MID1: variants seen among roughly 807,000 people sequenced by gnomAD.
The protein encoded by MID1 is E3 ubiquitin-protein ligase Midline-1.
Under a neutral mutation model 40.4 loss-of-function variants are expected in MID1, and 7 were observed. The ratio of observed to expected loss-of-function variants is 0.17; its 90% CI spans 0.10 to 0.33. MID1 has a LOEUF of 0.33. Ranked by LOEUF, MID1 falls within the 10% of genes least tolerant of loss-of-function variation. The pLI, the probability that MID1 is intolerant of heterozygous loss-of-function variation, is 1.00. For synonymous variants in MID1, 229 were observed against 221.2 expected, an observed-to-expected ratio of 1.04 and a Z score of -0.31; for missense variants, 367 against 558.5, an observed-to-expected ratio of 0.66 and a Z score of 3.46.
chrX:10,654,148 G>T (rs1301782361), intron 1 of MID1, among the ~76,000 whole-genome samples: 1 of 111,621 alleles, frequency 9.0e-6, no homozygotes, highest in African/African-American at 3.3e-5. Flanking sequence ...TAGATATAGA[G>T]ATACTAATAT....
intron 1 of MID1, among the ~76,000 whole-genome samples, chrX:10,574,231 A>G (rs1934814135): frequency 9.0e-6 from 1 of 111,660 alleles, no homozygotes; most frequent in Non-Finnish European, 1.9e-5. Flanking sequence ...CAGGAAGAAG[A>G]GTCAGAGTCA....
intron 3 of MID1, among the ~76,000 whole-genome samples, chrX:10,496,007 C>T (rs1304536843): frequency 3.6e-5 from 4 of 111,840 alleles, no homozygotes; most frequent in Non-Finnish European, 7.5e-5. Context: ...AATATATTTG[C>T]AATTCCTACT....
chrX:10,717,531 C>A (rs2043314434), intron 1 of MID1, among the ~76,000 whole-genome samples: 1 of 110,466 alleles, frequency 9.1e-6, no homozygotes, highest in African/African-American at 3.3e-5. Flanking sequence ...TACAGGAGCA[C>A]CCAGATTCAT....
chrX:10,502,526 T>A (rs1277640956), intron 3 of MID1, among the ~76,000 whole-genome samples: 1 of 111,725 alleles, frequency 9.0e-6, no homozygotes, highest in African/African-American at 3.3e-5. Flanking sequence ...TCCGCAAGAA[T>A]GGTAGACCCC....
intron 1 of MID1, among the ~76,000 whole-genome samples, chrX:10,652,274 G>A (rs1477806458): frequency 9.0e-6 from 1 of 111,502 alleles, no homozygotes; most frequent in Non-Finnish European, 1.9e-5. Flanking sequence ...CTAAAAGAGA[G>A]GGCATTTAAG....
At chrX:10,473,583 C>T (rs1355400905) in intron 6 of MID1, among the ~76,000 whole-genome samples, 2 of 112,194 alleles carry the variant, frequency 1.8e-5, no homozygotes, top group Non-Finnish European at 3.8e-5. Flanking sequence ...TGTTCCCTTT[C>T]TCCTGCTCCA....
chrX:10,694,651 C>T (rs1375275753), intron 1 of MID1, among the ~76,000 whole-genome samples: 1 of 111,731 alleles, frequency 9.0e-6, no homozygotes, highest in Non-Finnish European at 1.9e-5. Context: ...GTACAAAGAC[C>T]AAGAAATAAG....
At chrX:10,601,831 G>A (rs1290920648) in intron 1 of MID1, among the ~76,000 whole-genome samples, 1 of 111,043 alleles carries the variant, frequency 9.0e-6, no homozygotes, top group East Asian at 2.8e-4. Context: ...GTTCCCTAGG[G>A]TTGTGGGAAT....
In MID1 at chrX:10,763,214, G is replaced by T. The variant is rs2043693988; in HGVS notation, c.-187+70340C>A. ...GTTCTAGGGTACATGTGCACAACGTGCAGGTTTGTTACATATGTATACATG... is the reference window on the plus strand; with the variant it reads ...GTTCTAGGGTACATGTGCACAACGTTCAGGTTTGTTACATATGTATACATG... On this transcript the variant is annotated intron_variant, in intron 1 of 10. Transcript: ENST00000380785. Among the ~76,000 whole-genome samples the T allele has an allele frequency of 3.7e-5, 4 of 107,234 alleles. No individual in the cohort carries two copies. In the Admixed American group the frequency reaches 4.0e-4, roughly 11 times the overall value. The allele number at this position is 107,234 out of a possible 115,157, so 93.1% of individuals were successfully genotyped here. A position where few individuals can be genotyped will look rare whatever the true frequency, so the allele number is the denominator to read the frequency against.
At chrX:10,670,493 C>T (rs945581659) in intron 1 of MID1, among the ~76,000 whole-genome samples, 1 of 111,784 alleles carries the variant, frequency 8.9e-6, no homozygotes, top group East Asian at 2.8e-4. Flanking sequence ...TAAAGACCCA[C>T]CTATATTGAG....
At chrX:10,785,736 A>C (rs1488688316) in intron 1 of MID1, among the ~76,000 whole-genome samples, 3 of 111,914 alleles carry the variant, frequency 2.7e-5, no homozygotes, top group African/African-American at 9.8e-5. Context: ...CTATTTAATA[A>C]ATGGTGCTGG....
At position 10,449,158 on chromosome X, in the gene MID1, C is replaced by A. The variant is rs1460765688; in HGVS notation, c.*210G>T. The A allele has an allele frequency of 2.8e-6, 1 of 362,123 alleles. No homozygotes were observed. The highest frequency in any genetic ancestry group is 4.8e-6 in the Non-Finnish European group (1 of 209,722). The allele number at this position is 362,123 out of a possible 1,213,427, so 29.8% of individuals were successfully genotyped here. ...TAATCTATAGATTTTCCTCTAAATA[C>A]AAAAAAATTAAAGAAATTATTAAAG... On this transcript the variant is annotated 3_prime_UTR_variant, in exon 10 of 10. Coordinates refer to ENST00000317552, the MANE Select transcript of MID1 (RefSeq NM_000381.4).
intron 1 of MID1, among the ~76,000 whole-genome samples, chrX:10,780,653 A>G (rs948265111): frequency 1.8e-5 from 2 of 112,111 alleles, no homozygotes; most frequent in African/African-American, 6.5e-5. Context: ...CTCCAACCAG[A>G]CTCAAAGAAA....
rs1192360552 is a variant in MID1 at position 10,782,015 on chromosome X, T to G, written c.-187+51539A>C. ...GCTTTTTTGTGTGTGGAACAATGACTTATAAAGTACACCTCTGAAACACGA... is the reference window on the plus strand; with the variant it reads ...GCTTTTTTGTGTGTGGAACAATGACGTATAAAGTACACCTCTGAAACACGA... On this transcript the variant is annotated intron_variant, in intron 1 of 10. Transcript: ENST00000380785. Among the ~76,000 whole-genome samples, 8 of 112,127 alleles carry G rather than the reference T, an allele frequency of 7.1e-5. No homozygotes were observed. The Admixed American group carries it at 7.6e-4, about 11-fold the overall frequency.
chrX:10,779,803 A>G lies in MID1; in HGVS notation c.-187+53751T>C, dbSNP rs1248240475. 1.3e-4 allele frequency among the ~76,000 whole-genome samples: 15 copies of G among 111,275 alleles called. No individual in the cohort carries two copies. In the Admixed American group the frequency reaches 1.4e-3, roughly 11 times the overall value. On this transcript the variant is annotated intron_variant, in intron 1 of 10. Coordinates refer to the MID1 transcript ENST00000380785. ...GCTGGAAGGATTGAGGAAGAGGTAT[A>G]TGAGTACTTGCTTGTTTGCTTATTT...
intron 2 of MID1, among the ~76,000 whole-genome samples, chrX:10,543,179 C>T (rs1933540738): frequency 8.9e-6 from 1 of 112,198 alleles, no homozygotes; most frequent in South Asian, 3.8e-4. Context: ...CTCCTATCAA[C>T]GATGGTCCTA....
chrX:10,524,315 A>G (rs775257691), intron 2 of MID1, among the ~76,000 whole-genome samples: 10 of 111,715 alleles, frequency 9.0e-5, no homozygotes, highest in East Asian at 2.8e-4. Flanking sequence ...GGGGTGTCCA[A>G]TCTTTTGGCT....
intron 1 of MID1, among the ~76,000 whole-genome samples, chrX:10,800,217 G>C (rs1485635570): frequency 8.9e-6 from 1 of 112,154 alleles, no homozygotes. Context: ...GATAAAGCAA[G>C]CTGGCATGTT....
At chrX:10,523,006 TA>T in intron 3 of MID1, 85 bp downstream of exon 3, 1 of 691,053 alleles carries the variant, frequency 1.4e-6, no homozygotes, top group Non-Finnish European at 2.3e-6. Flanking sequence ...ATTCTTGTTT[TA>T]AAATTATAAA....
Sources: allele counts gnomAD v4.1 joint callset (sites outside exome capture counted in the v4.1 genomes callset), GRCh38; gene constraint gnomAD v4.1.1; transcripts MANE v1.5; gene names NCBI Gene and HGNC (gene_info 2026-07-23, HGNC 2026-07-21).